Variants in RFX3 observed in about 807,000 individuals in gnomAD.
The protein encoded by RFX3 is transcription factor RFX3.
RFX3 carries 14 observed loss-of-function variants against 98.6 expected under a neutral mutation model. The ratio of observed to expected loss-of-function variants is 0.14; its 90% confidence interval spans 0.09 to 0.22. RFX3 has a LOEUF of 0.22. Among genes scored for constraint, RFX3 ranks in the 10% least tolerant of loss-of-function variants. RFX3 has a pLI of 1.00. For synonymous variants in RFX3, 383 were observed against 328.4 expected, an observed-to-expected ratio of 1.17 and a Z score of -1.80; for missense variants, 639 against 926.9, an observed-to-expected ratio of 0.69 and a Z score of 4.03.
chr9:3,260,471 T>C (rs1185581621), intron 13 of RFX3, among the ~76,000 whole-genome samples: 1 of 151,918 alleles, frequency 6.6e-6, no homozygotes, highest in Non-Finnish European at 1.5e-5. Context: ...TATTTATACA[T>C]ATAATAATGC....
chr9:3,254,000 G>C (rs1436850609), intron 14 of RFX3, among the ~76,000 whole-genome samples: 1 of 152,164 alleles, frequency 6.6e-6, no homozygotes, highest in African/African-American at 2.4e-5. Context: ...CTGTCTGAAT[G>C]TGCCTTTCCT....
intron 15 of RFX3, among the ~76,000 whole-genome samples, chr9:3,230,865 T>C (rs1216917689): frequency 6.6e-6 from 1 of 152,224 alleles, no homozygotes; most frequent in Non-Finnish European, 1.5e-5. Context: ...TCACACAAAG[T>C]GTCTAAAACC....
In RFX3 at chr9:3,396,488, C is replaced by T. The variant is rs539304640; in HGVS notation, c.-8-892G>A. Among the ~76,000 whole-genome samples the T allele has an allele frequency of 2.0e-5, 3 of 152,242 alleles. No homozygotes were observed. In the South Asian group the frequency reaches 6.2e-4, roughly 32 times the overall value. ...CGAGTCTTTGCTGTTGTGAATAGTG[C>T]CGCAGTAAACATATGTGTTCGTGTG... On this transcript the variant is annotated intron_variant, in intron 1 of 16. Transcript: ENST00000617270.
chr9:3,464,843 T>C (rs974538510), intron 1 of RFX3, among the ~76,000 whole-genome samples: 1 of 152,178 alleles, frequency 6.6e-6, no homozygotes, highest in Non-Finnish European at 1.5e-5. Context: ...GTGGGAATGT[T>C]TGATAACTTA....
intron 14 of RFX3, 25 bp downstream of exon 14, chr9:3,256,966 A>T: frequency 6.3e-7 from 1 of 1,596,890 alleles, no homozygotes; most frequent in African/African-American, 1.3e-5. Context: ...TGAAGAAGAA[A>T]GCCTAGGAAA....
chr9:3,433,220 A>C (rs376372017), intron 1 of RFX3, among the ~76,000 whole-genome samples: 1 of 151,908 alleles, frequency 6.6e-6, no homozygotes, highest in South Asian at 2.1e-4. Flanking sequence ...TATTTCCATA[A>C]AGTCACACAA....
At chr9:3,515,227 T>G (rs941214007) in intron 1 of RFX3, among the ~76,000 whole-genome samples, 1 of 152,220 alleles carries the variant, frequency 6.6e-6, no homozygotes, top group African/African-American at 2.4e-5. Context: ...CTAAAATTTG[T>G]GCATGACTAA....
intron 3 of RFX3, among the ~76,000 whole-genome samples, chr9:3,338,642 C>T (rs922434051): frequency 3.3e-5 from 5 of 152,114 alleles, no homozygotes; most frequent in African/African-American, 1.2e-4. Context: ...TTCTGTAGAA[C>T]TGGAGTGGGC....
chr9:3,373,951 G>A (rs569494885), intron 2 of RFX3, among the ~76,000 whole-genome samples: 10 of 152,098 alleles, frequency 6.6e-5, no homozygotes, highest in Admixed American at 3.3e-4. Flanking sequence ...GGTGGCATGC[G>A]CCTGTAGTCC....
In RFX3 at chr9:3,370,895, T is replaced by C. The variant is rs188632795; in HGVS notation, c.118-24131A>G. ...GAAAACTGAACAGTAATGTATTAAG[T>C]TTCTCATAATGACATATGGCCACAA... On this transcript the variant is annotated intron_variant, in intron 2 of 16. Transcript: ENST00000617270. 2.0e-4 allele frequency among the ~76,000 whole-genome samples: 30 copies of C among 152,296 alleles called. No individual in the cohort carries two copies. The East Asian group carries it at 5.2e-3, about 26-fold the overall frequency.
intron 13 of RFX3, among the ~76,000 whole-genome samples, chr9:3,259,742 AT>A (rs1241616181): frequency 6.6e-6 from 1 of 152,064 alleles, no homozygotes; most frequent in African/African-American, 2.4e-5. Flanking sequence ...CAATAGAAAA[AT>A]TATCTTAAAT....
intron 1 of RFX3, among the ~76,000 whole-genome samples, chr9:3,433,198 A>C (rs1844806990): frequency 6.6e-6 from 1 of 152,090 alleles, no homozygotes; most frequent in Non-Finnish European, 1.5e-5. Flanking sequence ...CATGTTGTTC[A>C]AGAGTCAACT....
intron 2 of RFX3, among the ~76,000 whole-genome samples, chr9:3,366,703 T>TTTCTTTC (rs796345714): frequency 5.9e-5 from 7 of 118,280 alleles, no homozygotes; most frequent in Non-Finnish European, 1.1e-4. Flanking sequence ...CCTTTCTTTC[T>TTTCTTTC]TTCTTTCTTT....
chr9:3,380,305 A>G (rs1839043369), intron 2 of RFX3, among the ~76,000 whole-genome samples: 3 of 152,190 alleles, frequency 2.0e-5, no homozygotes, highest in African/African-American at 2.4e-5. Context: ...CCTCTCTAGA[A>G]AGTTTCCCAC....
chr9:3,503,572 CT>C (rs1259277180), intron 1 of RFX3, among the ~76,000 whole-genome samples: 2 of 151,974 alleles, frequency 1.3e-5, no homozygotes, highest in Admixed American at 6.6e-5. Context: ...GGTTGTGACA[CT>C]AGTACACAGA....
intron 2 of RFX3, among the ~76,000 whole-genome samples, chr9:3,366,718 CT>C (rs1413047360): frequency 3.3e-5 from 3 of 90,366 alleles, no homozygotes; most frequent in Admixed American, 1.2e-4. Flanking sequence ...TTCTTTCTTT[CT>C]TTCTTTCTTT....
At chr9:3,272,442 T>C (rs1488723803) in intron 9 of RFX3, among the ~76,000 whole-genome samples, 1 of 152,142 alleles carries the variant, frequency 6.6e-6, no homozygotes, top group Non-Finnish European at 1.5e-5. Context: ...TGGTATGAAA[T>C]ATATTCTAAA....
At chr9:3,358,711 C>T (rs984238319) in intron 2 of RFX3, among the ~76,000 whole-genome samples, 1 of 151,980 alleles carries the variant, frequency 6.6e-6, no homozygotes, top group Non-Finnish European at 1.5e-5. Flanking sequence ...GAAAAAATAC[C>T]TGAGACTGGG....
intron 2 of RFX3, among the ~76,000 whole-genome samples, chr9:3,365,655 A>G (rs1268961177): frequency 1.3e-5 from 2 of 152,188 alleles, no homozygotes; most frequent in Non-Finnish European, 2.9e-5. Flanking sequence ...TGATCCCAGT[A>G]TTCTGATAAC....
Sources: allele counts gnomAD v4.1 joint callset (sites outside exome capture counted in the v4.1 genomes callset), GRCh38; gene constraint gnomAD v4.1.1; transcripts MANE v1.5; gene names NCBI Gene and HGNC (gene_info 2026-07-23, HGNC 2026-07-21).